HIVEP3: variants seen among roughly 807,000 people sequenced by gnomAD.
HIVEP3 encodes transcription factor HIVEP3.
A neutral mutation model predicts 152.8 loss-of-function variants in HIVEP3; 49 were observed. The ratio of observed to expected loss-of-function variants is 0.32; its 90% confidence interval spans 0.26 to 0.41. The LOEUF (loss-of-function observed/expected upper bound fraction) is 0.41. HIVEP3 is among the 10% of genes least tolerant of loss of function. The probability of loss-of-function intolerance (pLI) is 1.00; values close to 1 mark genes in which losing one functional copy is unlikely to be tolerated. For synonymous variants in HIVEP3, 1,269 were observed against 1,289.0 expected (o/e 0.98, Z 0.33); for missense variants, 2,790 against 3,103.3 (o/e 0.90, Z 2.40).
chr1:41,544,892 C>T lies in HIVEP3; in HGVS notation c.5208-19982G>A, dbSNP rs1294515749. Among the ~76,000 whole-genome samples, 9 of 11,360 alleles carry T rather than the reference C, an allele frequency of 7.9e-4. 2 individuals are homozygous for T. Among genetic ancestry groups the T allele is most frequent in the Admixed American group, 3.0e-3 (3 of 1,004 alleles). 7.5% of individuals were successfully genotyped at this position (11,360 alleles called of 152,430 possible). On this transcript the variant is annotated intron_variant, in intron 5 of 8. Transcript: ENST00000372583. ...CCACCACCACTACCACCTCTACCACCACCATCACCACCACCACTACCACCT... is the reference window on the plus strand; with the variant it reads ...CCACCACCACTACCACCTCTACCACTACCATCACCACCACCACTACCACCT...
intron 1 of HIVEP3, among the ~76,000 whole-genome samples, chr1:41,752,998 C>T (rs72957398): frequency 0.037 from 5,657 of 152,240 alleles, 352 homozygotes; most frequent in African/African-American, 0.13. Context: ...TTTTATTGAG[C>T]GTGTTTACAA....
chr1:41,524,737 T>C lies in HIVEP3; in HGVS notation c.5381A>G (p.Lys1794Arg), dbSNP rs1302048604. 6.2e-7 allele frequency: 1 copy of C among 1,613,574 alleles called. No homozygotes were observed. Among genetic ancestry groups the C allele is most frequent in the East Asian group, 2.2e-5 (1 of 44,882 alleles). ...CKHCHFAFKTKGNLTKHMKSK... is the reference protein window; with the variant it reads ...CKHCHFAFKTRGNLTKHMKSK... Reference sequence around the variant, plus strand: ...TGCCCCAGCTGACTCTCTCTTACCTTTGGTTTTAAAAGCAAAGTGACAGTG... The same window carrying C: ...TGCCCCAGCTGACTCTCTCTTACCTCTGGTTTTAAAAGCAAAGTGACAGTG... The change falls in exon 6 of 9, where the codon AAA (lysine) becomes AGA (arginine). Residue 1794 changes from lysine (K) to arginine (R), a missense_variant and splice_region_variant. Lys to Arg is a conservative substitution (Grantham distance 26, BLOSUM62 2). This residue lies in a region of HIVEP3 where 57 missense variants were observed against 95.1 expected (regional missense o/e 0.60). Transcript: ENST00000372583.
chr1:41,888,697 C>T (rs924929584), intron 1 of HIVEP3, among the ~76,000 whole-genome samples: 1 of 132,398 alleles, frequency 7.6e-6, no homozygotes, highest in African/African-American at 2.8e-5. Flanking sequence ...AACATACACA[C>T]CATATACCTC....
chr1:41,770,956 G>A (rs12031672), intron 1 of HIVEP3, among the ~76,000 whole-genome samples: 57,259 of 151,800 alleles, frequency 0.38, 11,850 homozygotes, highest in Middle Eastern at 0.55. Flanking sequence ...TTGTCAACGG[G>A]GCATTTCTCC....
chr1:41,613,913 A>G (rs2149134985), intron 3 of HIVEP3, among the ~76,000 whole-genome samples: 1 of 152,334 alleles, frequency 6.6e-6, no homozygotes, highest in South Asian at 2.1e-4. Flanking sequence ...ATCACCCGCC[A>G]TATGTCCTTT....
chr1:41,550,096 T>C (rs1010832241), intron 5 of HIVEP3, among the ~76,000 whole-genome samples: 1 of 152,252 alleles, frequency 6.6e-6, no homozygotes. Context: ...TACATAGGGC[T>C]AGCCAGTTTT....
intron 2 of HIVEP3, among the ~76,000 whole-genome samples, chr1:41,653,838 A>G (rs1012596048): frequency 2.6e-5 from 4 of 151,804 alleles, no homozygotes; most frequent in African/African-American, 9.7e-5. Context: ...ACCTAAGCCA[A>G]CTCACTTGTT....
intron 1 of HIVEP3, among the ~76,000 whole-genome samples, chr1:41,726,206 T>C (rs542869432): frequency 2.6e-5 from 4 of 152,188 alleles, no homozygotes; most frequent in Non-Finnish European, 5.9e-5. Flanking sequence ...AGAAGCCACA[T>C]GGGCCCATGG....
Position 41,583,256 on chromosome 1 carries a change from C to T in HIVEP3, c.1542G>A (p.Glu514=), listed in dbSNP as rs1253990012. The change falls in exon 4 of 9, where the codon GAG becomes GAA. Residue 514 remains glutamate (E), a synonymous_variant. Coordinates refer to ENST00000372583, the MANE Select transcript of HIVEP3 (RefSeq NM_024503.5). The surrounding 1 kb of genome is among the most constrained non-coding windows in gnomAD (Gnocchi z 6.9). ...LYREPLSSHS[E]KTKPEQSLLS... The stretch of plus-strand genomic sequence containing the variant: ...GCAGTGATTGTTCAGGCTTGGTTTT[C>T]TCACTGTGGGATGACAGGGGCTCCC... The T allele has an allele frequency of 2.5e-6, 4 of 1,613,326 alleles. No homozygotes were observed. Among genetic ancestry groups the T allele is most frequent in the South Asian group, 1.1e-5 (1 of 90,978 alleles).
At chr1:41,710,348 T>A (rs1347581787) in intron 1 of HIVEP3, among the ~76,000 whole-genome samples, 1 of 152,158 alleles carries the variant, frequency 6.6e-6, no homozygotes, top group African/African-American at 2.4e-5. Flanking sequence ...GGGTGTTCTG[T>A]CATCCTGCTG....
At chr1:41,753,599 C>T (rs1006506136) in intron 1 of HIVEP3, among the ~76,000 whole-genome samples, 20 of 151,668 alleles carry the variant, frequency 1.3e-4, no homozygotes, top group Non-Finnish European at 2.6e-4. Context: ...ACTCGGGAGG[C>T]GGAGGTTGCA....
chr1:41,634,544 T>A (rs1179879417), intron 2 of HIVEP3, among the ~76,000 whole-genome samples: 4 of 151,940 alleles, frequency 2.6e-5, no homozygotes, highest in Non-Finnish European at 4.4e-5. Context: ...ATAAATTAAA[T>A]TACTTTAAGT....
intron 5 of HIVEP3, among the ~76,000 whole-genome samples, chr1:41,559,738 C>T (rs556754124): frequency 1.3e-5 from 2 of 152,316 alleles, no homozygotes; most frequent in South Asian, 4.1e-4. Context: ...ATGTTAATGC[C>T]TCCCTGGGCT....
At chr1:41,624,496 GT>G (rs1645089127) in intron 3 of HIVEP3, among the ~76,000 whole-genome samples, 1 of 152,158 alleles carries the variant, frequency 6.6e-6, no homozygotes, top group Non-Finnish European at 1.5e-5. Flanking sequence ...GACCTTCACC[GT>G]TGAAATGTAT....
chr1:41,845,955 T>C (rs531955885), intron 1 of HIVEP3, among the ~76,000 whole-genome samples: 1 of 152,254 alleles, frequency 6.6e-6, no homozygotes, highest in East Asian at 1.9e-4. Context: ...TAGTCCCAAC[T>C]ACTCTGGAGG....
In HIVEP3 at chr1:41,918,624, A is replaced by G. The variant is rs936793212; in HGVS notation, c.-1012T>C. Reference sequence around the variant, plus strand: ...TCCAGGCATGCATGCGTGTTTGTATACACACATATGCACACGGAATAGCCA... The same window carrying G: ...TCCAGGCATGCATGCGTGTTTGTATGCACACATATGCACACGGAATAGCCA... On this transcript the variant is annotated 5_prime_UTR_variant, in exon 1 of 9. Transcript: ENST00000372583. The surrounding 1 kb of genome is among the most constrained non-coding windows in gnomAD (Gnocchi z 4.3). The G allele has an allele frequency of 4.6e-5, 7 of 152,260 alleles. No individual in the cohort carries two copies. The highest frequency in any genetic ancestry group is 1.0e-4 in the Non-Finnish European group (7 of 68,062). The allele number at this position is 152,260 out of a possible 1,614,324, so 9.4% of individuals were successfully genotyped here. A position where few individuals can be genotyped will look rare whatever the true frequency, so the allele number is the denominator to read the frequency against.
intron 2 of HIVEP3, among the ~76,000 whole-genome samples, chr1:41,644,493 C>A (rs1360772075): frequency 6.6e-6 from 1 of 152,118 alleles, no homozygotes; most frequent in East Asian, 1.9e-4. Context: ...TCTTTACCAG[C>A]CAGAATAATT....
chr1:41,570,713 C>T (rs980395621), intron 5 of HIVEP3, among the ~76,000 whole-genome samples: 2 of 152,124 alleles, frequency 1.3e-5, no homozygotes, highest in African/African-American at 2.4e-5. Context: ...CAAATGCTGC[C>T]GATGGCTCAG....
chr1:41,920,884 C>A (rs750314985), upstream of HIVEP3, among the ~76,000 whole-genome samples: 2 of 152,220 alleles, frequency 1.3e-5, no homozygotes, highest in African/African-American at 2.4e-5. Context: ...GTATCTTCAG[C>A]AGGCTTAGTG....
Sources: gnomAD v4.1 joint callset for allele counts (sites outside exome capture counted in the v4.1 genomes callset) on GRCh38, gnomAD v4.1.1 for gene constraint, gnomAD v4.1.1 regional missense constraint, Gnocchi (gnomAD v3.1) non-coding constraint, MANE v1.5 for transcripts, NCBI Gene and HGNC (gene_info 2026-07-23, HGNC 2026-07-21) for gene names.